The following ZFP64 variants were observed in gnomAD, a reference collection of about 807,000 sequenced individuals.
ZFP64 encodes ZFP64 zinc finger protein, also known as zinc finger protein 64.
ZFP64 carries 14 observed loss-of-function variants against 51.6 expected under a neutral mutation model. The ratio of observed to expected loss-of-function variants is 0.27; its 90% confidence interval spans 0.18 to 0.42. The LOEUF is 0.42. ZFP64 is among the 10% of genes least tolerant of loss of function. ZFP64 has a pLI of 1.00. For missense variants in ZFP64, 754 were observed against 906.8 expected (o/e 0.83, Z 2.16); for synonymous variants, 375 against 361.4 (o/e 1.04, Z -0.43).
chr20:52,155,222 T>C (rs569753815), intron 5 of ZFP64, among the ~76,000 whole-genome samples: 1 of 152,234 alleles, frequency 6.6e-6, no homozygotes, highest in Admixed American at 6.5e-5. Flanking sequence ...ATTTGCTCCA[T>C]CTGCAGCAAT....
chr20:52,143,386 A>T lies in ZFP64; in HGVS notation c.763+16737T>A, dbSNP rs1177686989. On this transcript the variant is annotated intron_variant, in intron 5 of 8. Coordinates refer to the ZFP64 transcript ENST00000361387. ...TTATGGAAAGAAGGGCATGTCATAT[A>T]AAAGTTTATAGGGATGGATATAAGG... Among the ~76,000 whole-genome samples the T allele has an allele frequency of 4.2e-5, 6 of 143,324 alleles. 1 individual carries two copies. The highest frequency in any genetic ancestry group is 7.5e-5 in the African/African-American group (3 of 40,062). The allele number at this position is 143,324 out of a possible 152,430, so 94.0% of individuals were successfully genotyped here. A position where few individuals can be genotyped will look rare whatever the true frequency, so the allele number is the denominator to read the frequency against.
intron 5 of ZFP64, among the ~76,000 whole-genome samples, chr20:52,120,759 C>T (rs1383320235): frequency 1.4e-5 from 2 of 146,510 alleles, no homozygotes; most frequent in Non-Finnish European, 3.0e-5. Context: ...TCACTGCAAC[C>T]TCCATCTTCC....
At chr20:52,156,003 G>A (rs1981289108) in intron 5 of ZFP64, among the ~76,000 whole-genome samples, 1 of 152,150 alleles carries the variant, frequency 6.6e-6, no homozygotes, top group Non-Finnish European at 1.5e-5. Context: ...GGCACACACT[G>A]AAATTTTTGA....
chr20:52,135,285 G>T (rs1454950262), intron 5 of ZFP64, among the ~76,000 whole-genome samples: 2 of 152,102 alleles, frequency 1.3e-5, no homozygotes, highest in African/African-American at 2.4e-5. Context: ...GCACAGCCAC[G>T]CCCACTGCCC....
chr20:52,151,379 G>C lies in ZFP64; in HGVS notation c.*767C>G, dbSNP rs1294944894. The C allele has an allele frequency of 2.0e-6, 2 of 985,068 alleles. No individual in the cohort carries two copies. The highest frequency in any genetic ancestry group is 2.4e-6 in the Non-Finnish European group (2 of 829,904). 61.0% of individuals were successfully genotyped at this position (985,068 alleles called of 1,614,324 possible). Reference sequence around the variant, plus strand: ...TCAAGTATCCATGTCATATTATGTAGAAAATGGTCCTTCATGCCAACAGAC... The same window carrying C: ...TCAAGTATCCATGTCATATTATGTACAAAATGGTCCTTCATGCCAACAGAC... On this transcript the variant is annotated 3_prime_UTR_variant, in exon 6 of 6. Coordinates refer to ENST00000216923, the MANE Select transcript of ZFP64 (RefSeq NM_018197.3).
At chr20:52,169,844 G>T (rs543748009) in intron 2 of ZFP64, among the ~76,000 whole-genome samples, 1 of 151,470 alleles carries the variant, frequency 6.6e-6, no homozygotes, top group Non-Finnish European at 1.5e-5. Flanking sequence ...ACCCGAGGTC[G>T]GGAGTTTGAG....
rs984010546 is a variant in ZFP64, at chr20:52,160,934, G to A, written c.512-560C>T. On this transcript the variant is annotated intron_variant, in intron 4 of 5. Transcript: ENST00000216923. The surrounding 1 kb of genome is among the most constrained non-coding windows in gnomAD (Gnocchi z 4.2). The stretch of plus-strand genomic sequence containing the variant: ...TACATTTTCTCTTTTCCTGCTTCTA[G>A]CCAAGGCATGGGGATAAGGCAGCAG... Among the ~76,000 whole-genome samples the A allele has an allele frequency of 6.6e-6, 1 of 152,188 alleles. No individual in the cohort carries two copies. Among genetic ancestry groups the A allele is most frequent in the African/African-American group, 2.4e-5 (1 of 41,432 alleles).
intron 5 of ZFP64, among the ~76,000 whole-genome samples, chr20:52,128,217 T>C (rs1021643362): frequency 2.0e-5 from 3 of 152,190 alleles, no homozygotes; most frequent in Non-Finnish European, 4.4e-5. Flanking sequence ...GGCAGGAGGA[T>C]TGTTTGAGGC....
rs1333960124 is a variant in ZFP64, at chr20:52,157,934, C to T, written c.763+2189G>A. On this transcript the variant is annotated intron_variant, in intron 5 of 5. Coordinates refer to ENST00000216923, the MANE Select transcript of ZFP64 (RefSeq NM_018197.3). ...AACATGTAGTGTTTGGTTTTCTGTT[C>T]CTGTGTTAGTTTGCTAAGAATGATG... Among the ~76,000 whole-genome samples the T allele has an allele frequency of 3.9e-5, 6 of 152,146 alleles. No homozygotes were observed. The East Asian group carries it at 9.7e-4, about 25-fold the overall frequency.
At chr20:52,119,576 A>AACACACAC (rs138828393) in intron 5 of ZFP64, among the ~76,000 whole-genome samples, 39 of 132,558 alleles carry the variant, frequency 2.9e-4, no homozygotes, top group South Asian at 4.7e-4. Context: ...ATACACACAC[A>AACACACAC]ACACACACAC....
Position 52,186,870 on chromosome 20 carries a change from G to A in ZFP64, c.248C>T (p.Thr83Ile). The part of the protein sequence containing the change: ...ETVPATQTQT[T>I]TRTITSETQT... ...GGTCTCCGAGGTGATGGTTCTGGTG[G>A]TGGTCTGAGTCTGGGTGGCAGGCAC... The change falls in exon 2 of 6, where the codon ACC (threonine) becomes ATC (isoleucine). Residue 83 changes from threonine to isoleucine, a missense_variant. Physicochemically the swap from Thr to Ile is moderately conservative, Grantham distance 89. Transcript: ENST00000216923. 4 of 1,613,346 alleles carry A rather than the reference G, an allele frequency of 2.5e-6. No homozygotes were observed. Among genetic ancestry groups the A allele is most frequent in the Non-Finnish European group, 3.4e-6 (4 of 1,179,350 alleles).
intron 5 of ZFP64, among the ~76,000 whole-genome samples, chr20:52,139,589 A>G (rs2122906455): frequency 6.6e-6 from 1 of 152,202 alleles, no homozygotes; most frequent in South Asian, 2.1e-4. Flanking sequence ...CATACCCCAA[A>G]CCCCAGTGAC....
chr20:52,110,310 C>T (rs577717659), intron 5 of ZFP64: 2 of 449,488 alleles, frequency 4.4e-6, no homozygotes, highest in Admixed American at 6.5e-5. Flanking sequence ...CCTCCCCACC[C>T]CTACCAAACC....
chr20:52,186,234 T>C lies in ZFP64; in HGVS notation c.286+598A>G, dbSNP rs184439375. The stretch of plus-strand genomic sequence containing the variant: ...CTTCCTGCCCCTTAAGACAGGGGTA[T>C]AACTGTGTGTGTAGGTGTTTGTGGG... On this transcript the variant is annotated intron_variant, in intron 2 of 5. Coordinates refer to ENST00000216923, the MANE Select transcript of ZFP64 (RefSeq NM_018197.3). Among the ~76,000 whole-genome samples, 713 of 152,316 alleles carry C rather than the reference T, an allele frequency of 4.7e-3. 2 individuals are homozygous for C. Among genetic ancestry groups the C allele is most frequent in the Middle Eastern group, 0.01 (3 of 294 alleles).
chr20:52,094,084 A>T (rs1029930854), intron 7 of ZFP64, among the ~76,000 whole-genome samples: 1 of 152,238 alleles, frequency 6.6e-6, no homozygotes, highest in Non-Finnish European at 1.5e-5. Context: ...TTCCGGACAG[A>T]GGCAGATCTA....
chr20:52,107,263 TTTG>T (rs1194712922), intron 5 of ZFP64, among the ~76,000 whole-genome samples: 1 of 152,178 alleles, frequency 6.6e-6, no homozygotes, highest in East Asian at 1.9e-4. Flanking sequence ...TTGCATTTGC[TTTG>T]TTGTTATTTC....
chr20:52,108,715 G>A (rs778876806), intron 5 of ZFP64, among the ~76,000 whole-genome samples: 4 of 151,804 alleles, frequency 2.6e-5, no homozygotes, highest in Admixed American at 6.6e-5. Context: ...TCACCATGTC[G>A]GCCAGGCTGG....
At chr20:52,161,810 G>C (rs867982192) in intron 4 of ZFP64, among the ~76,000 whole-genome samples, 1 of 152,148 alleles carries the variant, frequency 6.6e-6, no homozygotes, top group Middle Eastern at 3.2e-3. Flanking sequence ...GAGACATAGA[G>C]GTCTATTAGG....
intron 7 of ZFP64, among the ~76,000 whole-genome samples, chr20:52,093,632 C>T (rs563758071): frequency 1.3e-5 from 2 of 152,322 alleles, no homozygotes; most frequent in South Asian, 4.2e-4. Context: ...TGTGGTCGTA[C>T]CACATTACAC....
Sources: gnomAD v4.1 joint callset for allele counts (sites outside exome capture counted in the v4.1 genomes callset) on GRCh38, gnomAD v4.1.1 for gene constraint, Gnocchi (gnomAD v3.1) non-coding constraint, MANE v1.5 for transcripts, NCBI Gene and HGNC (gene_info 2026-07-23, HGNC 2026-07-21) for gene names.